Variants in C10orf143 observed in about 807,000 individuals in gnomAD.
C10orf143 encodes the protein chromosome 10 open reading frame 143.
intron 3 of C10orf143, among the ~76,000 whole-genome samples, chr10:130,077,923 G>T (rs562768299): frequency 6.6e-6 from 1 of 152,060 alleles, no homozygotes; most frequent in Non-Finnish European, 1.5e-5. Flanking sequence ...ATATTAAAAC[G>T]CCCAAGCCTG....
At chr10:130,047,448 AGGG>A (rs1860689512) in intron 3 of C10orf143, among the ~76,000 whole-genome samples, 1 of 152,158 alleles carries the variant, frequency 6.6e-6, no homozygotes, top group Non-Finnish European at 1.5e-5. Flanking sequence ...CGTACTTGGT[AGGG>A]AAGCCTCCAG....
At chr10:130,064,744 C>T (rs1860902565) in intron 3 of C10orf143, 1 of 153,262 alleles carries the variant, frequency 6.5e-6, no homozygotes, top group African/African-American at 2.4e-5. Context: ...ACAAAAGCAA[C>T]ACAAAAGTGG....
At chr10:130,109,705 G>A (rs1590041203) in intron 1 of C10orf143, among the ~76,000 whole-genome samples, 1 of 152,204 alleles carries the variant, frequency 6.6e-6, no homozygotes, top group South Asian at 2.1e-4. Flanking sequence ...CTGGCTTCAC[G>A]GCCAGGCAGT....
At chr10:130,110,513 G>A (rs547408467) in intron 1 of C10orf143, among the ~76,000 whole-genome samples, 191 bp downstream of exon 1, 112 of 152,366 alleles carry the variant, frequency 7.4e-4, no homozygotes, top group Non-Finnish European at 1.4e-3. Context: ...GGAGAGCGGC[G>A]TCACAACCCC....
chr10:130,057,960 G>C (rs760548869), intron 3 of C10orf143, among the ~76,000 whole-genome samples: 4 of 152,238 alleles, frequency 2.6e-5, no homozygotes, highest in African/African-American at 4.8e-5. Flanking sequence ...ACCAAGGTGA[G>C]GGGCTTCCTA....
At chr10:130,052,539 G>A (rs1255452871) in intron 3 of C10orf143, among the ~76,000 whole-genome samples, 2 of 152,204 alleles carry the variant, frequency 1.3e-5, no homozygotes, top group African/African-American at 4.8e-5. Flanking sequence ...GCTTTGAGGA[G>A]GCTGCCCCAG....
chr10:130,053,025 T>C (rs987197351), intron 3 of C10orf143, among the ~76,000 whole-genome samples: 4 of 151,594 alleles, frequency 2.6e-5, no homozygotes, highest in Non-Finnish European at 5.9e-5. Flanking sequence ...GGCAAAATGT[T>C]GAGTTTTGTT....
intron 1 of C10orf143, among the ~76,000 whole-genome samples, 188 bp downstream of exon 1, chr10:130,110,516 A>G (rs1380369194): frequency 1.3e-5 from 2 of 152,222 alleles, no homozygotes; most frequent in African/African-American, 4.8e-5. Context: ...GAGCGGCGTC[A>G]CAACCCCGCC....
chr10:130,056,310 G>C lies in C10orf143; in HGVS notation c.298-20340C>G, dbSNP rs544563260. Among the ~76,000 whole-genome samples, 5 of 152,250 alleles carry C rather than the reference G, an allele frequency of 3.3e-5. No homozygotes were observed. Among genetic ancestry groups the C allele is most frequent in the African/African-American group, 1.2e-4 (5 of 41,542 alleles). On this transcript the variant is annotated intron_variant and NMD_transcript_variant, in intron 3 of 5. Coordinates refer to the C10orf143 transcript ENST00000643056. This position sits in a 1 kb window ranked among gnomAD's most constrained non-coding sequence, Gnocchi z 4.6. ...CTCATGGCTCCAAGCTCCAGTGGCCGTACCAGAAGATCAGGGGTGGGGGTG... is the reference window on the plus strand; with the variant it reads ...CTCATGGCTCCAAGCTCCAGTGGCCCTACCAGAAGATCAGGGGTGGGGGTG...
At chr10:130,098,668 C>T (rs984287524) in intron 1 of C10orf143, among the ~76,000 whole-genome samples, 1 of 152,194 alleles carries the variant, frequency 6.6e-6, no homozygotes, top group African/African-American at 2.4e-5. Context: ...AGGCAGAGTC[C>T]TTCCAGGGTC....
downstream of C10orf143, among the ~76,000 whole-genome samples, chr10:130,063,171 G>A (rs370874003): frequency 2.6e-5 from 4 of 152,152 alleles, no homozygotes; most frequent in Non-Finnish European, 5.9e-5. Flanking sequence ...CTGGAGGGAC[G>A]CGTGCCACGT....
At chr10:130,092,009 A>G (rs1861390123) in intron 1 of C10orf143, among the ~76,000 whole-genome samples, 1 of 152,214 alleles carries the variant, frequency 6.6e-6, no homozygotes, top group Non-Finnish European at 1.5e-5. Flanking sequence ...TTATCCAGAA[A>G]AACTTACCCA....
At chr10:130,081,014 G>T (rs1265272866) in intron 1 of C10orf143, among the ~76,000 whole-genome samples, 1 of 152,026 alleles carries the variant, frequency 6.6e-6, no homozygotes, top group African/African-American at 2.4e-5. Flanking sequence ...ATATTAAATC[G>T]GTTTAAATAC....
intron 1 of C10orf143, among the ~76,000 whole-genome samples, chr10:130,086,431 T>A (rs1169910018): frequency 6.6e-6 from 1 of 152,268 alleles, no homozygotes. Flanking sequence ...TTCTGCCATA[T>A]ATTACAGTAA....
In C10orf143 at chr10:130,056,218, T is replaced by G. The variant is rs1416126947; in HGVS notation, c.298-20248A>C. 6.6e-6 allele frequency among the ~76,000 whole-genome samples: 1 copy of G among 152,192 alleles called. No homozygotes were observed. Among genetic ancestry groups the G allele is most frequent in the Non-Finnish European group, 1.5e-5 (1 of 68,032 alleles). On this transcript the variant is annotated intron_variant and NMD_transcript_variant, in intron 3 of 5. Coordinates refer to the C10orf143 transcript ENST00000643056. The surrounding 1 kb of genome is among the most constrained non-coding windows in gnomAD (Gnocchi z 4.6). ...ACCGTGTATTTAGTAAATGTGCAAT[T>G]AACCCTTACCGACCCTAGCAAGCCA...
intron 3 of C10orf143, among the ~76,000 whole-genome samples, chr10:130,044,482 T>C (rs931591672): frequency 6.6e-6 from 1 of 152,178 alleles, no homozygotes; most frequent in African/African-American, 2.4e-5. Flanking sequence ...CAGCCAGGGC[T>C]GCCAGGGAGC....
At chr10:130,067,242 C>A (rs1372926935) in intron 3 of C10orf143, 1 of 152,200 alleles carries the variant, frequency 6.6e-6, no homozygotes, top group Non-Finnish European at 1.5e-5. Context: ...TTTTTGGAAG[C>A]CTTCCTCGCT....
At chr10:130,066,821 T>A (rs1359946847) in intron 3 of C10orf143, 1 of 152,112 alleles carries the variant, frequency 6.6e-6, no homozygotes, top group Non-Finnish European at 1.5e-5. Flanking sequence ...GACTCACAGA[T>A]GGCCCACACC....
intron 3 of C10orf143, among the ~76,000 whole-genome samples, chr10:130,039,856 C>T (rs1364136348): frequency 1.3e-5 from 2 of 152,146 alleles, no homozygotes; most frequent in Non-Finnish European, 2.9e-5. Flanking sequence ...TGGGTGACTA[C>T]CAATTTGCTG....
Sources: allele counts gnomAD v4.1 joint callset (sites outside exome capture counted in the v4.1 genomes callset), GRCh38; gene constraint gnomAD v4.1.1; non-coding constraint Gnocchi (gnomAD v3.1); transcripts MANE v1.5; gene names NCBI Gene and HGNC (gene_info 2026-07-23, HGNC 2026-07-21).